Variants in TPX2 observed in about 807,000 individuals in gnomAD.
TPX2 encodes targeting protein for Xklp2.
TPX2 carries 21 observed loss-of-function variants against 93.6 expected under a neutral mutation model. That is an observed-to-expected ratio of 0.22 (90% CI 0.16 to 0.32). The LOEUF (loss-of-function observed/expected upper bound fraction) is 0.32. Ranked by LOEUF, TPX2 falls within the 10% of genes least tolerant of loss-of-function variation. The probability of loss-of-function intolerance (pLI) is 1.00; values close to 1 mark genes in which losing one functional copy is unlikely to be tolerated. For missense variants in TPX2, 776 were observed against 871.1 expected (o/e 0.89, Z 1.37); for synonymous variants, 281 against 298.3 (o/e 0.94, Z 0.60).
intron 15 of TPX2, 60 bp downstream of exon 15, chr20:31,794,608 G>C: frequency 1.3e-6 from 2 of 1,583,644 alleles, no homozygotes; most frequent in Non-Finnish European, 8.6e-7. Context: ...TGTACAGGCA[G>C]ACCCACCATA....
chr20:31,793,902 C>T lies in TPX2; in HGVS notation c.1564C>T (p.Pro522Ser). ...TCAACCTGTGCCACATTATGGGGTG[C>T]CTTTTAAGCCCCAAATCCCAGAGGC... ...KAQPVPHYGV[P>S]FKPQIPEART... Residue 522 changes from proline to serine, a missense_variant, in exon 14 of 18, where the codon CCT (proline) becomes TCT (serine). Physicochemically the swap from Pro to Ser is moderately conservative, Grantham distance 74 (BLOSUM62 -1). Coordinates refer to ENST00000300403, the MANE Select transcript of TPX2 (RefSeq NM_012112.5). The T allele has an allele frequency of 2.5e-6, 4 of 1,613,142 alleles. No homozygotes were observed. Among genetic ancestry groups the T allele is most frequent in the Non-Finnish European group, 3.4e-6 (4 of 1,179,582 alleles).
intron 7 of TPX2, among the ~76,000 whole-genome samples, chr20:31,773,837 ATACT>A (rs917336873): frequency 1.1e-4 from 16 of 152,010 alleles, no homozygotes; most frequent in South Asian, 4.1e-4. Flanking sequence ...GTCACCTCAA[ATACT>A]TACCACTTTT....
chr20:31,772,953 A>G (rs1173743251), intron 7 of TPX2, among the ~76,000 whole-genome samples: 1 of 149,544 alleles, frequency 6.7e-6, no homozygotes, highest in Non-Finnish European at 1.5e-5. Flanking sequence ...TGGAAGTACC[A>G]ATTTATAGTG....
At chr20:31,749,786 ACT>A (rs1264691470) in intron 2 of TPX2, among the ~76,000 whole-genome samples, 1 of 151,636 alleles carries the variant, frequency 6.6e-6, no homozygotes, top group Non-Finnish European at 1.5e-5. Context: ...CAAGAGTGAA[ACT>A]CTGTCTCAAA....
At chr20:31,759,917 G>C (rs981375322) in intron 3 of TPX2, 140 bp from the exon 4 acceptor site, 1 of 1,128,298 alleles carries the variant, frequency 8.9e-7, no homozygotes, top group African/African-American at 1.6e-5. Context: ...TTTTTCTTTT[G>C]ATTGCTAGAA....
chr20:31,761,736 G>T (rs1039380154), intron 4 of TPX2, among the ~76,000 whole-genome samples: 2 of 152,112 alleles, frequency 1.3e-5, no homozygotes, highest in African/African-American at 4.8e-5. Flanking sequence ...ATATCTCTTC[G>T]ATGTACTGAT....
At chr20:31,776,402 G>T (rs2061999998) in intron 8 of TPX2, among the ~76,000 whole-genome samples, 1 of 151,676 alleles carries the variant, frequency 6.6e-6, no homozygotes, top group Non-Finnish European at 1.5e-5. Flanking sequence ...TGAAGTCTCT[G>T]AAGTAAATAA....
chr20:31,765,314 C>CAAAA (rs796500792), intron 4 of TPX2, among the ~76,000 whole-genome samples: 1 of 53,692 alleles, frequency 1.9e-5, no homozygotes, highest in African/African-American at 6.3e-5. Flanking sequence ...TATTGAAAAG[C>CAAAA]AAAAAAAAAA....
chr20:31,779,287 A>C (rs1431292052), intron 10 of TPX2, among the ~76,000 whole-genome samples: 1 of 152,176 alleles, frequency 6.6e-6, no homozygotes, highest in African/African-American at 2.4e-5. Context: ...AAAGTGTCAC[A>C]TTGCATTTAG....
intron 12 of TPX2, among the ~76,000 whole-genome samples, chr20:31,787,862 T>C (rs1274534176): frequency 6.6e-6 from 1 of 152,218 alleles, no homozygotes; most frequent in Non-Finnish European, 1.5e-5. Flanking sequence ...GAAGATAAGC[T>C]ATCAATTTAT....
In TPX2 at chr20:31,783,714, C is replaced by T; in HGVS notation, c.1206C>T (p.Phe402=). Residue 402 remains phenylalanine, a synonymous_variant, in exon 12 of 18, where the codon TTC becomes TTT. Transcript: ENST00000300403. ...AATTTTCACCTTACAGATACAAATT[C>T]AAAGCACGTGAACTTGATCCCAGAA... The part of the protein sequence containing the change: ...EELEKLQQYK[F]KARELDPRIL... The T allele has an allele frequency of 1.3e-6, 2 of 1,591,532 alleles. No individual in the cohort carries two copies. Among genetic ancestry groups the T allele is most frequent in the East Asian group, 2.2e-5 (1 of 44,696 alleles).
At chr20:31,741,721 TGCCTGCCTCG>T (rs765162916) in intron 1 of TPX2, among the ~76,000 whole-genome samples, 1 of 152,248 alleles carries the variant, frequency 6.6e-6, no homozygotes, top group Admixed American at 6.5e-5. Context: ...CCTCGTAATC[TGCCTGCCTCG>T]GCCTCCCAAA....
At chr20:31,771,706 A>G in intron 7 of TPX2, 24 bp downstream of exon 7, 1 of 1,594,704 alleles carries the variant, frequency 6.3e-7, no homozygotes, top group Non-Finnish European at 8.5e-7. Flanking sequence ...CTGAATTTAA[A>G]CTTTAGAATG....
At chr20:31,778,047 T>TTACAAGTG (rs2062012462) in intron 9 of TPX2, among the ~76,000 whole-genome samples, 1 of 152,128 alleles carries the variant, frequency 6.6e-6, no homozygotes. Flanking sequence ...AGTGCTGGGA[T>TTACAAGTG]TACAAGTGTG....
rs957042902 is a variant in TPX2, at chr20:31,794,310, T to G, written c.1687-92T>G. 35 of 1,497,516 alleles carry G rather than the reference T, an allele frequency of 2.3e-5. No homozygotes were observed. In the African/African-American group the frequency reaches 4.2e-4, roughly 18 times the overall value. The allele number at this position is 1,497,516 out of a possible 1,614,324, so 92.8% of individuals were successfully genotyped here. A position where few individuals can be genotyped will look rare whatever the true frequency, so the allele number is the denominator to read the frequency against. On this transcript the variant is annotated intron_variant, in intron 14 of 17. Transcript: ENST00000300403. Reference sequence around the variant, plus strand: ...TTCATGCTGCTTTGAAAGGTTTCCTTCCTTATTTTTCAGATTCTTCCAGAT... The same window carrying G: ...TTCATGCTGCTTTGAAAGGTTTCCTGCCTTATTTTTCAGATTCTTCCAGAT...
chr20:31,793,129 T>C (rs903855140), intron 13 of TPX2, among the ~76,000 whole-genome samples: 4 of 152,214 alleles, frequency 2.6e-5, no homozygotes, highest in African/African-American at 4.8e-5. Context: ...CTTTGTAACA[T>C]GGATCAAAAG....
At chr20:31,744,159 C>CTTTTT (rs11465034) in intron 2 of TPX2, among the ~76,000 whole-genome samples, 10 of 112,240 alleles carry the variant, frequency 8.9e-5, no homozygotes, top group South Asian at 2.6e-4. Context: ...ATTTTTTTAA[C>CTTTTT]TTTTTTTTTT....
intron 6 of TPX2, 87 bp downstream of exon 6, chr20:31,770,558 T>A: frequency 9.3e-6 from 11 of 1,184,520 alleles, no homozygotes; most frequent in Non-Finnish European, 1.2e-5. Context: ...ATTTACACTT[T>A]AGATTGAATA....
At chr20:31,800,928 C>G (rs1199781100) in intron 17 of TPX2, 42 bp from the exon 18 acceptor site, 1 of 1,468,568 alleles carries the variant, frequency 6.8e-7, no homozygotes, top group Non-Finnish European at 9.5e-7. Flanking sequence ...AAGCGTAGTT[C>G]TCTGACATCC....
Sources: gnomAD v4.1 joint callset for allele counts (sites outside exome capture counted in the v4.1 genomes callset) on GRCh38, gnomAD v4.1.1 for gene constraint, MANE v1.5 for transcripts, NCBI Gene and HGNC (gene_info 2026-07-23, HGNC 2026-07-21) for gene names.